Variants in ENPP3 observed in about 807,000 individuals in gnomAD.
The protein encoded by ENPP3 is ectonucleotide pyrophosphatase/phosphodiesterase 3.
Under a neutral mutation model 117.8 loss-of-function variants are expected in ENPP3, and 104 were observed. The observed-to-expected ratio is 0.88, with a 90% CI of 0.75 to 1.04. The LOEUF (loss-of-function observed/expected upper bound fraction) is 1.04, where lower values mean the gene tolerates loss of function less well. ENPP3 is among the 50% of genes least tolerant of loss of function. The pLI, the probability that ENPP3 is intolerant of heterozygous loss-of-function variation, is 0.00. For synonymous variants in ENPP3, 380 were observed against 349.9 expected, an observed-to-expected ratio of 1.09 and a Z score of -0.96; for missense variants, 1,026 against 1,051.9, an observed-to-expected ratio of 0.98 and a Z score of 0.34.
chr6:131,722,106 C>T (rs773418620), intron 17 of ENPP3, 121 bp from the exon 18 acceptor site: 19 of 677,474 alleles, frequency 2.8e-5, no homozygotes, highest in South Asian at 5.7e-5. Context: ...TACATAGCTT[C>T]GTTACAGCAG....
At chr6:131,678,318 C>T (rs760692280) in intron 11 of ENPP3, among the ~76,000 whole-genome samples, 2 of 152,182 alleles carry the variant, frequency 1.3e-5, no homozygotes, top group Admixed American at 6.5e-5. Flanking sequence ...GTGGTATATC[C>T]GGCTGTCTAC....
chr6:131,647,527 T>A (rs1266826596), intron 2 of ENPP3, among the ~76,000 whole-genome samples: 1 of 152,130 alleles, frequency 6.6e-6, no homozygotes, highest in Non-Finnish European at 1.5e-5. Flanking sequence ...AATTTAAGAT[T>A]TTAAACATAC....
intron 3 of ENPP3, 93 bp from the exon 4 acceptor site, chr6:131,652,449 T>G: frequency 1.6e-6 from 2 of 1,249,270 alleles, no homozygotes; most frequent in Non-Finnish European, 2.2e-6. Flanking sequence ...AAGAATTTGA[T>G]TGTGTTATTA....
At chr6:131,728,674 A>G (rs1780208206) in intron 20 of ENPP3, among the ~76,000 whole-genome samples, 1 of 152,210 alleles carries the variant, frequency 6.6e-6, no homozygotes, top group South Asian at 2.1e-4. Flanking sequence ...AGGCTTAAAT[A>G]AGCACTTTTT....
At chr6:131,726,276 G>GT in intron 20 of ENPP3, 76 bp downstream of exon 20, 1 of 1,392,304 alleles carries the variant, frequency 7.2e-7, no homozygotes, top group Non-Finnish European at 1.0e-6. Context: ...GTTGAATTTT[G>GT]TTTTGCAGCA....
intron 20 of ENPP3, among the ~76,000 whole-genome samples, chr6:131,731,322 T>A (rs1032308667): frequency 5.3e-5 from 8 of 152,184 alleles, no homozygotes; most frequent in Admixed American, 1.3e-4. Context: ...TCACTATAGG[T>A]TGATCAGGAA....
intron 15 of ENPP3, among the ~76,000 whole-genome samples, chr6:131,696,645 T>C (rs973896920): frequency 1.3e-5 from 2 of 152,024 alleles, no homozygotes; most frequent in Admixed American, 6.5e-5. Context: ...AGGGGATTCG[T>C]TTTTTGTGGT....
At chr6:131,683,290 A>G (rs772087146) in intron 12 of ENPP3, 128 bp downstream of exon 12, 7 of 597,026 alleles carry the variant, frequency 1.2e-5, no homozygotes, top group Non-Finnish European at 2.1e-5. Context: ...AGAAGCAAGG[A>G]ATGAATTGTG....
chr6:131,684,632 C>T (rs968626677), intron 12 of ENPP3, among the ~76,000 whole-genome samples: 6 of 150,552 alleles, frequency 4.0e-5, no homozygotes, highest in African/African-American at 7.4e-5. Context: ...TGCAGTGAAG[C>T]GAGATCACAC....
Position 131,652,536 on chromosome 6 carries a change from T to C in ENPP3, c.278-6T>C, listed in dbSNP as rs1778285108. ...ATGCTCAGAACTGAATTGTATCGTTTTACAGCTCGAATATGGATGTGCAAT... is the reference window on the plus strand; with the variant it reads ...ATGCTCAGAACTGAATTGTATCGTTCTACAGCTCGAATATGGATGTGCAAT... On this transcript the variant is annotated splice_region_variant and splice_polypyrimidine_tract_variant and intron_variant, in intron 3 of 24. Transcript: ENST00000357639. 6.2e-7 allele frequency: 1 copy of C among 1,613,874 alleles called. No homozygotes were observed. The highest frequency in any genetic ancestry group is 1.1e-5 in the South Asian group (1 of 91,076).
chr6:131,642,318 C>A (rs1283568777), intron 2 of ENPP3, among the ~76,000 whole-genome samples: 1 of 152,026 alleles, frequency 6.6e-6, no homozygotes, highest in East Asian at 1.9e-4. Flanking sequence ...GTGCCAAATT[C>A]TTGAAAAGTA....
chr6:131,739,593 CTTTTTTTTT>C (rs71270397), intron 23 of ENPP3, among the ~76,000 whole-genome samples: 1 of 87,464 alleles, frequency 1.1e-5, no homozygotes, highest in Admixed American at 1.4e-4. Flanking sequence ...TCATGCTCTG[CTTTTTTTTT>C]TTTTTTTTTT....
intron 20 of ENPP3, among the ~76,000 whole-genome samples, chr6:131,727,531 A>T (rs1273458750): frequency 7.1e-6 from 1 of 140,724 alleles, no homozygotes; most frequent in Non-Finnish European, 1.5e-5. Flanking sequence ...CTCCAGCCTG[A>T]GCAACAACAG....
chr6:131,701,326 G>A, intron 15 of ENPP3: 1 of 1,612,510 alleles, frequency 6.2e-7, no homozygotes, highest in Non-Finnish European at 8.5e-7. Context: ...AGCCCAAAGA[G>A]GAGCATCTGA....
intron 6 of ENPP3, among the ~76,000 whole-genome samples, chr6:131,669,970 C>G (rs1471717950): frequency 6.6e-6 from 1 of 152,150 alleles, no homozygotes; most frequent in African/African-American, 2.4e-5. Context: ...GAAGTAGAGG[C>G]AACACAATTT....
At chr6:131,657,192 T>C (rs1191579083) in intron 5 of ENPP3, among the ~76,000 whole-genome samples, 1 of 152,174 alleles carries the variant, frequency 6.6e-6, no homozygotes, top group African/African-American at 2.4e-5. Context: ...TATCCTATAG[T>C]TCATACTATA....
At chr6:131,717,966 A>G (rs1779934168) in intron 15 of ENPP3, among the ~76,000 whole-genome samples, 1 of 152,216 alleles carries the variant, frequency 6.6e-6, no homozygotes, top group African/African-American at 2.4e-5. Flanking sequence ...GTTTGTAGCT[A>G]GGAGCAATAG....
At chr6:131,661,749 A>AT (rs1778505271) in intron 6 of ENPP3, among the ~76,000 whole-genome samples, 1 of 152,066 alleles carries the variant, frequency 6.6e-6, no homozygotes, top group African/African-American at 2.4e-5. Flanking sequence ...AGACTATTGT[A>AT]TTTTTTGCTA....
chr6:131,652,930 A>T, intron 5 of ENPP3, 39 bp downstream of exon 5: 1 of 1,323,964 alleles, frequency 7.6e-7, no homozygotes, highest in South Asian at 1.2e-5. Flanking sequence ...TCCTCCTTTA[A>T]CAAAGGTGCA....
Sources: gnomAD v4.1 joint callset for allele counts (sites outside exome capture counted in the v4.1 genomes callset) on GRCh38, gnomAD v4.1.1 for gene constraint, MANE v1.5 for transcripts, NCBI Gene and HGNC (gene_info 2026-07-23, HGNC 2026-07-21) for gene names.